EFNA5: variants seen among roughly 807,000 people sequenced by gnomAD.
EFNA5 encodes ephrin A5.
EFNA5 carries 5 observed loss-of-function variants against 22.9 expected under a neutral mutation model. The observed-to-expected ratio is 0.22, with a 90% CI of 0.11 to 0.46. The LOEUF (loss-of-function observed/expected upper bound fraction) is 0.46. EFNA5 is among the 20% of genes least tolerant of loss of function. The pLI, the probability that EFNA5 is intolerant of heterozygous loss-of-function variation, is 0.99. For missense variants in EFNA5, 237 were observed against 293.3 expected, an observed-to-expected ratio of 0.81 and a Z score of 1.40; for synonymous variants, 113 against 112.2, an observed-to-expected ratio of 1.01 and a Z score of -0.04.
At chr5:107,424,024 CCTCT>C (rs1748740178) in intron 2 of EFNA5, among the ~76,000 whole-genome samples, 2 of 151,998 alleles carry the variant, frequency 1.3e-5, no homozygotes, top group South Asian at 4.1e-4. Flanking sequence ...TGACTCATGT[CCTCT>C]CTAAGTAATG....
At chr5:107,537,807 C>T (rs766784312) in intron 1 of EFNA5, among the ~76,000 whole-genome samples, 2 of 152,140 alleles carry the variant, frequency 1.3e-5, no homozygotes, top group Non-Finnish European at 2.9e-5. Context: ...AAACATCACG[C>T]TAATTACTGT....
At chr5:107,590,732 C>T (rs993328800) in intron 1 of EFNA5, among the ~76,000 whole-genome samples, 1 of 152,112 alleles carries the variant, frequency 6.6e-6, no homozygotes, top group Non-Finnish European at 1.5e-5. Flanking sequence ...ATGGTGTACA[C>T]ACATAAAGGA....
intron 1 of EFNA5, among the ~76,000 whole-genome samples, chr5:107,563,764 G>A (rs1014630484): frequency 6.6e-6 from 1 of 152,114 alleles, no homozygotes; most frequent in African/African-American, 2.4e-5. Flanking sequence ...CTTTCCTTGA[G>A]TCTCCTTGTA....
intron 1 of EFNA5, 103 bp from the exon 2 acceptor site, chr5:107,427,612 G>C (rs1748842124): frequency 9.5e-7 from 1 of 1,056,714 alleles, no homozygotes; most frequent in East Asian, 2.5e-5. Flanking sequence ...AAAGCATCTA[G>C]TATAGTAAGT....
intron 1 of EFNA5, among the ~76,000 whole-genome samples, chr5:107,454,529 T>G (rs1326173827): frequency 2.0e-5 from 3 of 152,180 alleles, no homozygotes; most frequent in Non-Finnish European, 4.4e-5. Flanking sequence ...GACTAAATGG[T>G]AATTTACTTC....
At chr5:107,429,084 C>A (rs923455086) in intron 1 of EFNA5, among the ~76,000 whole-genome samples, 3 of 152,160 alleles carry the variant, frequency 2.0e-5, no homozygotes, top group Non-Finnish European at 4.4e-5. Context: ...TAAAATGCAG[C>A]ACCCGAACAT....
chr5:107,643,144 C>T (rs187240194), intron 1 of EFNA5, among the ~76,000 whole-genome samples: 18 of 152,192 alleles, frequency 1.2e-4, no homozygotes, highest in Admixed American at 6.5e-4. Flanking sequence ...GCCCCTGCAC[C>T]GGCTGACTTA....
At chr5:107,550,444 G>C (rs1417494202) in intron 1 of EFNA5, among the ~76,000 whole-genome samples, 3 of 152,178 alleles carry the variant, frequency 2.0e-5, no homozygotes, top group Non-Finnish European at 4.4e-5. Context: ...AGAGGAGAAT[G>C]ATTATGCGCT....
chr5:107,459,618 G>A (rs1237794632), intron 1 of EFNA5, among the ~76,000 whole-genome samples: 2 of 152,064 alleles, frequency 1.3e-5, no homozygotes, highest in Non-Finnish European at 2.9e-5. Flanking sequence ...ATTATCTCCT[G>A]GAGTTCTGTA....
At chr5:107,383,567 A>G (rs1360788592) in intron 4 of EFNA5, among the ~76,000 whole-genome samples, 3 of 152,226 alleles carry the variant, frequency 2.0e-5, no homozygotes, top group Non-Finnish European at 4.4e-5. Context: ...TCATTTCACA[A>G]TATCACATAC....
intron 1 of EFNA5, among the ~76,000 whole-genome samples, chr5:107,486,091 G>C (rs145576723): frequency 6.6e-6 from 1 of 152,182 alleles, no homozygotes; most frequent in Admixed American, 6.5e-5. Flanking sequence ...TGACATTAAA[G>C]GCGTTACAGT....
intron 1 of EFNA5, among the ~76,000 whole-genome samples, chr5:107,494,554 T>G (rs1393988300): frequency 1.3e-5 from 2 of 152,168 alleles, no homozygotes; most frequent in Non-Finnish European, 2.9e-5. Context: ...CCCAGTCCCA[T>G]CGACCACCCA....
intron 2 of EFNA5, among the ~76,000 whole-genome samples, chr5:107,413,821 C>A (rs1414553756): frequency 6.6e-6 from 1 of 152,138 alleles, no homozygotes; most frequent in Non-Finnish European, 1.5e-5. Flanking sequence ...CTTGGTCAGG[C>A]AGAAGGAAGG....
chr5:107,582,757 A>G (rs577505066), intron 1 of EFNA5, among the ~76,000 whole-genome samples: 1 of 151,872 alleles, frequency 6.6e-6, no homozygotes, highest in East Asian at 1.9e-4. Flanking sequence ...AAAAAAAAAA[A>G]AGTAAAAATA....
chr5:107,451,902 C>G (rs1037107791), intron 1 of EFNA5, among the ~76,000 whole-genome samples: 1 of 152,124 alleles, frequency 6.6e-6, no homozygotes. Flanking sequence ...ATAAATCATT[C>G]TACTATAAAG....
intron 1 of EFNA5, among the ~76,000 whole-genome samples, chr5:107,569,509 T>TTATATATGTGTGTATATATATTTATA (rs1748736162): frequency 1.6e-5 from 2 of 122,994 alleles, no homozygotes; most frequent in South Asian, 2.3e-4. Context: ...GTATATATAT[T>TTATATATGTGTGTATATATATTTATA]TATATATGTG....
intron 1 of EFNA5, among the ~76,000 whole-genome samples, chr5:107,608,476 G>A (rs1400413551): frequency 1.3e-5 from 2 of 152,216 alleles, no homozygotes; most frequent in Admixed American, 6.5e-5. Context: ...ACTTTCAAAT[G>A]TTATGTCCCA....
At chr5:107,387,214 A>G in intron 4 of EFNA5, 21 bp downstream of exon 4, 2 of 1,535,036 alleles carry the variant, frequency 1.3e-6, no homozygotes, top group Non-Finnish European at 1.8e-6. Context: ...TTGTTAAAAG[A>G]GATTCTCTAA....
At chr5:107,616,866 G>A (rs557565617) in intron 1 of EFNA5, among the ~76,000 whole-genome samples, 1 of 152,220 alleles carries the variant, frequency 6.6e-6, no homozygotes, top group African/African-American at 2.4e-5. Flanking sequence ...ATTTGAATGA[G>A]TTCAGGTCCT....
Sources: gnomAD v4.1 joint callset for allele counts (sites outside exome capture counted in the v4.1 genomes callset) on GRCh38, gnomAD v4.1.1 for gene constraint, MANE v1.5 for transcripts, NCBI Gene and HGNC (gene_info 2026-07-23, HGNC 2026-07-21) for gene names.